Variants in IGF2BP2 observed in about 807,000 individuals in gnomAD.
The protein encoded by IGF2BP2 is insulin like growth factor 2 mRNA binding protein 2, also known as insulin-like growth factor 2 mRNA-binding protein 2.
IGF2BP2 carries 17 observed loss-of-function variants against 75.8 expected under a neutral mutation model. The ratio of observed to expected loss-of-function variants is 0.22; its 90% CI spans 0.15 to 0.34. The LOEUF (loss-of-function observed/expected upper bound fraction) is 0.34. IGF2BP2 is among the 10% of genes least tolerant of loss of function. IGF2BP2 has a pLI of 1.00. For synonymous variants in IGF2BP2, 288 were observed against 295.6 expected, an observed-to-expected ratio of 0.97 and a Z score of 0.26; for missense variants, 516 against 772.4, an observed-to-expected ratio of 0.67 and a Z score of 3.93.
At chr3:185,778,659 T>C (rs1734831742) in intron 2 of IGF2BP2, among the ~76,000 whole-genome samples, 1 of 152,214 alleles carries the variant, frequency 6.6e-6, no homozygotes, top group Non-Finnish European at 1.5e-5. Context: ...GACACCTGGT[T>C]CTACAGGACT....
At chr3:185,795,041 G>A (rs1482157686) in intron 2 of IGF2BP2, among the ~76,000 whole-genome samples, 10 of 152,120 alleles carry the variant, frequency 6.6e-5, no homozygotes, top group Admixed American at 5.2e-4. Flanking sequence ...GGAACTACAG[G>A]CGCCCACCAC....
At chr3:185,661,708 T>C (rs1205008822) in intron 10 of IGF2BP2, among the ~76,000 whole-genome samples, 3 of 149,570 alleles carry the variant, frequency 2.0e-5, no homozygotes, top group Admixed American at 6.6e-5. Context: ...TCCCGGGTGC[T>C]GGGGACACAG....
At chr3:185,687,453 T>G (rs1721303174) in intron 6 of IGF2BP2, among the ~76,000 whole-genome samples, 1 of 152,224 alleles carries the variant, frequency 6.6e-6, no homozygotes, top group Admixed American at 6.5e-5. Context: ...CTAAGCCAAC[T>G]CAGTAATGAA....
intron 2 of IGF2BP2, among the ~76,000 whole-genome samples, chr3:185,776,802 T>C (rs960692087): frequency 2.6e-5 from 4 of 152,208 alleles, no homozygotes; most frequent in Non-Finnish European, 1.5e-5. Flanking sequence ...TCTTCATCGG[T>C]CTTGTCAACA....
chr3:185,794,922 G>A (rs139376988), intron 2 of IGF2BP2, among the ~76,000 whole-genome samples: 4,567 of 151,396 alleles, frequency 0.03, 125 homozygotes, highest in Non-Finnish European at 0.044. Context: ...TTTTGAGGCG[G>A]AGTCTCACTC....
At chr3:185,696,518 T>C (rs1009665549) in intron 4 of IGF2BP2, 94 bp downstream of exon 4, 19 of 1,036,326 alleles carry the variant, frequency 1.8e-5, no homozygotes, top group Non-Finnish European at 2.4e-5. Context: ...CAAAGAAATA[T>C]GAACTTACTA....
intron 10 of IGF2BP2, among the ~76,000 whole-genome samples, chr3:185,670,809 A>T (rs1397996720): frequency 1.3e-5 from 2 of 151,966 alleles, no homozygotes; most frequent in African/African-American, 2.4e-5. Context: ...ACCTCAGGAG[A>T]TCCACCTGCT....
intron 2 of IGF2BP2, among the ~76,000 whole-genome samples, chr3:185,764,545 C>A (rs1179964229): frequency 6.6e-6 from 1 of 152,164 alleles, no homozygotes; most frequent in African/African-American, 2.4e-5. Context: ...AGAGACCAAT[C>A]TGCAGAGCAG....
rs189488298 is a variant in IGF2BP2, at chr3:185,689,266, T to C, written c.677+89A>G. On this transcript the variant is annotated intron_variant, in intron 6 of 15. Coordinates refer to ENST00000382199, the MANE Select transcript of IGF2BP2 (RefSeq NM_006548.6). ...ACAGCACAGCCCCCCACTGCTGATG[T>C]AAGCAATTGTGACCTAAGAGTGGCT... The C allele has an allele frequency of 1.2e-5, 16 of 1,374,302 alleles. No individual in the cohort carries two copies. In the Admixed American group the frequency reaches 3.3e-4, roughly 28 times the overall value. The allele number at this position is 1,374,302 out of a possible 1,614,324, so 85.1% of individuals were successfully genotyped here.
At chr3:185,789,306 T>C (rs536956309) in intron 2 of IGF2BP2, among the ~76,000 whole-genome samples, 80 of 152,296 alleles carry the variant, frequency 5.3e-4, no homozygotes, top group Non-Finnish European at 9.1e-4. Context: ...CCTGGGCATG[T>C]GACACAAGCT....
Position 185,672,546 on chromosome 3 carries a change from A to G in IGF2BP2, c.1195T>C (p.Phe399Leu), listed in dbSNP as rs1718679984. Residue 399 changes from phenylalanine (F) to leucine (L), a missense_variant, in exon 10 of 16, where the codon TTC becomes CTC. This residue lies in a region of IGF2BP2 where 75 missense variants were observed against 67.4 expected (regional missense o/e 1.11). Coordinates refer to ENST00000382199, the MANE Select transcript of IGF2BP2 (RefSeq NM_006548.6). ...GAPPAAPYHP[F>L]TTHSGYFSSL... is the part of the protein sequence containing the mutation. ...CCACAAGCTGAGCTACTTACAGTGA[A>G]GGGGTGGTAGGGGGCAGCGGGGGGA... The G allele has an allele frequency of 4.8e-6, 7 of 1,448,090 alleles. No individual in the cohort carries two copies. Among genetic ancestry groups the G allele is most frequent in the East Asian group, 2.9e-5 (1 of 34,904 alleles). 89.7% of individuals were successfully genotyped at this position (1,448,090 alleles called of 1,614,324 possible).
At chr3:185,778,927 G>A (rs967060597) in intron 2 of IGF2BP2, among the ~76,000 whole-genome samples, 5 of 152,072 alleles carry the variant, frequency 3.3e-5, no homozygotes, top group Admixed American at 6.6e-5. Flanking sequence ...TGGGCACTCT[G>A]GCCTTAGAGG....
chr3:185,749,294 A>T (rs760539762), intron 2 of IGF2BP2, among the ~76,000 whole-genome samples: 1 of 152,256 alleles, frequency 6.6e-6, no homozygotes, highest in African/African-American at 2.4e-5. Context: ...TAGTTTATTT[A>T]TCAGGCTCCT....
chr3:185,773,257 T>C (rs1306257761), intron 2 of IGF2BP2, among the ~76,000 whole-genome samples: 4 of 152,246 alleles, frequency 2.6e-5, no homozygotes, highest in African/African-American at 9.6e-5. Context: ...TGTTGATTAG[T>C]AAAACAGATA....
chr3:185,800,531 G>A (rs935450579), intron 2 of IGF2BP2, among the ~76,000 whole-genome samples: 1 of 152,162 alleles, frequency 6.6e-6, no homozygotes, highest in African/African-American at 2.4e-5. Flanking sequence ...GAGGTCAGGA[G>A]TTCAAGACCA....
intron 2 of IGF2BP2, among the ~76,000 whole-genome samples, chr3:185,723,240 C>G (rs1726829471): frequency 6.6e-6 from 1 of 152,144 alleles, no homozygotes; most frequent in Non-Finnish European, 1.5e-5. Flanking sequence ...AAGTTTCTAT[C>G]CCTTGGAAAT....
At chr3:185,769,124 CTTGAGGCCAGGCAT>C (rs927872136) in intron 2 of IGF2BP2, among the ~76,000 whole-genome samples, 2 of 152,120 alleles carry the variant, frequency 1.3e-5, no homozygotes, top group Non-Finnish European at 2.9e-5. Context: ...GGGAGAATCA[CTTGAGGCCAGGCAT>C]TTGAGATCAG....
intron 2 of IGF2BP2, among the ~76,000 whole-genome samples, chr3:185,816,043 C>A (rs1347660762): frequency 1.3e-5 from 2 of 152,110 alleles, no homozygotes; most frequent in East Asian, 3.9e-4. Context: ...CTGGCAGTTC[C>A]TACCAGGGAA....
rs147041174 is a variant in IGF2BP2 at position 185,812,777 on chromosome 3, A to G, written c.239+10376T>C. On this transcript the variant is annotated intron_variant, in intron 2 of 15. Transcript: ENST00000382199. ...GAAGCCAGGATTCCCATGTACGTACATCCATTCGTCCTTCCCATAAATTTG... is the reference window on the plus strand; with the variant it reads ...GAAGCCAGGATTCCCATGTACGTACGTCCATTCGTCCTTCCCATAAATTTG... Among the ~76,000 whole-genome samples the G allele has an allele frequency of 4.5e-3, 692 of 152,316 alleles. 5 individuals carry two copies. The highest frequency in any genetic ancestry group is 0.016 in the African/African-American group (667 of 41,572).
Sources: allele counts gnomAD v4.1 joint callset (sites outside exome capture counted in the v4.1 genomes callset), GRCh38; gene constraint gnomAD v4.1.1; regional missense constraint gnomAD v4.1.1; transcripts MANE v1.5; gene names NCBI Gene and HGNC (gene_info 2026-07-23, HGNC 2026-07-21).